KCNIP4: variants seen among roughly 807,000 people sequenced by gnomAD.
The protein encoded by KCNIP4 is Kv channel-interacting protein 4.
In KCNIP4, 12 loss-of-function variants were observed where a neutral mutation model predicts 34.0. The ratio of observed to expected loss-of-function variants is 0.35; its 90% confidence interval spans 0.23 to 0.57. KCNIP4 has a LOEUF of 0.57. Ranked by LOEUF, KCNIP4 falls within the 20% of genes least tolerant of loss-of-function variation. The pLI is 0.83. For synonymous variants in KCNIP4, 124 were observed against 102.2 expected, an observed-to-expected ratio of 1.21 and a Z score of -1.29; for missense variants, 238 against 311.7, an observed-to-expected ratio of 0.76 and a Z score of 1.78.
At chr4:21,625,315 C>T (rs1046034958) in intron 1 of KCNIP4, among the ~76,000 whole-genome samples, 1 of 152,024 alleles carries the variant, frequency 6.6e-6, no homozygotes, top group Non-Finnish European at 1.5e-5. Context: ...CTGCTGATCT[C>T]AGCACATGGT....
At chr4:21,262,078 C>G (rs1014206800) in intron 1 of KCNIP4, among the ~76,000 whole-genome samples, 1 of 152,192 alleles carries the variant, frequency 6.6e-6, no homozygotes, top group African/African-American at 2.4e-5. Flanking sequence ...CCAACAGATA[C>G]ATCCTTTCAA....
intron 1 of KCNIP4, among the ~76,000 whole-genome samples, chr4:21,904,653 T>C (rs1727890067): frequency 6.6e-6 from 1 of 152,346 alleles, no homozygotes; most frequent in African/African-American, 2.4e-5. Flanking sequence ...GCCAGTGAGA[T>C]GAACAGTAAC....
intron 1 of KCNIP4, among the ~76,000 whole-genome samples, chr4:21,115,083 C>T (rs12644882): frequency 0.13 from 20,113 of 152,118 alleles, 1,651 homozygotes; most frequent in East Asian, 0.23. Context: ...TTACAAGGGC[C>T]CAGTTCACTT....
chr4:21,845,691 C>T (rs1723972530), intron 1 of KCNIP4: 2 of 152,100 alleles, frequency 1.3e-5, no homozygotes, highest in Non-Finnish European at 1.5e-5. Flanking sequence ...TTAACCCTTT[C>T]GATTCGACAT....
At chr4:21,445,840 C>T (rs920940652) in intron 1 of KCNIP4, among the ~76,000 whole-genome samples, 6 of 152,064 alleles carry the variant, frequency 3.9e-5, no homozygotes, top group African/African-American at 9.7e-5. Flanking sequence ...ACAGGCAACA[C>T]ACAGAATGGG....
intron 1 of KCNIP4, among the ~76,000 whole-genome samples, chr4:21,890,976 T>G (rs914952129): frequency 6.6e-6 from 1 of 152,090 alleles, no homozygotes; most frequent in African/African-American, 2.4e-5. Context: ...TATATAGCAT[T>G]TTAACTTAGC....
chr4:21,481,631 T>C (rs1346036441), intron 1 of KCNIP4, among the ~76,000 whole-genome samples: 2 of 152,160 alleles, frequency 1.3e-5, no homozygotes, highest in African/African-American at 4.8e-5. Flanking sequence ...ATTGAATGTG[T>C]TAAAAATTTG....
At chr4:20,805,216 T>C (rs936807264) in intron 3 of KCNIP4, among the ~76,000 whole-genome samples, 5 of 77,188 alleles carry the variant, frequency 6.5e-5, no homozygotes, top group African/African-American at 2.7e-4. Context: ...TTTTTTTTTT[T>C]AAAGAGGCAG....
chr4:21,510,209 A>G (rs918683318), intron 1 of KCNIP4, among the ~76,000 whole-genome samples: 6 of 152,168 alleles, frequency 3.9e-5, no homozygotes, highest in Non-Finnish European at 5.9e-5. Flanking sequence ...CTGTACTTCA[A>G]AAAAAACTCA....
intron 1 of KCNIP4, among the ~76,000 whole-genome samples, chr4:21,384,072 C>T (rs908455595): frequency 7.2e-5 from 11 of 152,044 alleles, no homozygotes; most frequent in Admixed American, 1.3e-4. Context: ...TGTACTTGTT[C>T]TTCCCTCTAT....
chr4:20,822,329 T>A (rs575083138), intron 3 of KCNIP4, among the ~76,000 whole-genome samples: 1 of 152,190 alleles, frequency 6.6e-6, no homozygotes, highest in East Asian at 1.9e-4. Context: ...ATATTCAACA[T>A]CACTAATTAT....
chr4:20,931,850 G>A (rs1325188127), intron 1 of KCNIP4, among the ~76,000 whole-genome samples: 3 of 151,670 alleles, frequency 2.0e-5, no homozygotes, highest in Non-Finnish European at 2.9e-5. Context: ...CAGGTCTAGA[G>A]GTCTAATGTA....
chr4:21,836,699 T>G (rs1341877670), intron 1 of KCNIP4, among the ~76,000 whole-genome samples: 3 of 152,116 alleles, frequency 2.0e-5, no homozygotes, highest in Non-Finnish European at 4.4e-5. Flanking sequence ...CCAGTCTTGC[T>G]ATTTTCTAAA....
In KCNIP4 at chr4:21,948,632, G is replaced by A; in HGVS notation, c.-1C>T. The A allele has an allele frequency of 6.2e-7, 1 of 1,612,896 alleles. No homozygotes were observed. Among genetic ancestry groups the A allele is most frequent in the Non-Finnish European group, 8.5e-7 (1 of 1,179,514 alleles). ...TGCTTTCCACCCTCCTCACATTCAT[G>A]TCTAGGGACGCAGGGTGCAGAAGCG... is the stretch of plus-strand genomic sequence containing the variant. On this transcript the variant is annotated 5_prime_UTR_variant, in exon 1 of 9. Coordinates refer to ENST00000382152, the MANE Select transcript of KCNIP4 (RefSeq NM_025221.6).
At position 21,902,649 on chromosome 4, in the gene KCNIP4, G is replaced by A. The variant is rs1371128251; in HGVS notation, c.61+45922C>T. Among the ~76,000 whole-genome samples, 3 of 152,080 alleles carry A rather than the reference G, an allele frequency of 2.0e-5. No individual in the cohort carries two copies. In the South Asian group the frequency reaches 6.2e-4, roughly 32 times the overall value. ...GGACTGGTAGCATGAGAAGCTCTGA[G>A]AGATCATTTGGCTATAATGAAGTGA... On this transcript the variant is annotated intron_variant, in intron 1 of 8. Transcript: ENST00000382152.
intron 1 of KCNIP4, among the ~76,000 whole-genome samples, chr4:21,605,218 A>G (rs1743547263): frequency 6.6e-6 from 1 of 152,226 alleles, no homozygotes; most frequent in Non-Finnish European, 1.5e-5. Flanking sequence ...AGACGCTGTC[A>G]GAAATAGCAG....
At chr4:21,424,978 TC>T (rs1725812301) in intron 1 of KCNIP4, among the ~76,000 whole-genome samples, 1 of 152,198 alleles carries the variant, frequency 6.6e-6, no homozygotes, top group South Asian at 2.1e-4. Flanking sequence ...ACAACAAAGT[TC>T]TTTTGGCAAA....
At chr4:21,855,377 C>G (rs977689252) in intron 1 of KCNIP4, among the ~76,000 whole-genome samples, 2 of 152,150 alleles carry the variant, frequency 1.3e-5, no homozygotes, top group Non-Finnish European at 2.9e-5. Flanking sequence ...TCTTTGTTTT[C>G]CAGTGTCTAA....
chr4:21,528,700 A>G (rs1279213844), intron 1 of KCNIP4, among the ~76,000 whole-genome samples: 2 of 268 alleles, frequency 7.5e-3, no homozygotes, highest in Non-Finnish European at 0.014. Flanking sequence ...AGAAAGAAAG[A>G]AAGAAAGAAA....
Sources: allele counts gnomAD v4.1 joint callset (sites outside exome capture counted in the v4.1 genomes callset), GRCh38; gene constraint gnomAD v4.1.1; transcripts MANE v1.5; gene names NCBI Gene and HGNC (gene_info 2026-07-23, HGNC 2026-07-21).